Variants in ZNF254 observed in about 807,000 individuals in gnomAD.
ZNF254 encodes the protein CTD-2017D11.1.
In ZNF254, 10 loss-of-function variants were observed where a neutral mutation model predicts 12.4. The ratio of observed to expected loss-of-function variants is 0.80; its 90% CI spans 0.50 to 1.36. The LOEUF is 1.36. Ranked by LOEUF, ZNF254 falls within the 40% of genes most tolerant of loss-of-function variation. The pLI, the probability that ZNF254 is intolerant of heterozygous loss-of-function variation, is 0.00. For synonymous variants in ZNF254, 305 were observed against 253.4 expected, an observed-to-expected ratio of 1.20 and a Z score of -1.93; for missense variants, 996 against 763.9, an observed-to-expected ratio of 1.30 and a Z score of -3.58.
chr19:24,061,874 G>A (rs1362612717), intron 2 of ZNF254, among the ~76,000 whole-genome samples: 2 of 152,012 alleles, frequency 1.3e-5, no homozygotes, highest in African/African-American at 2.4e-5. Context: ...ACCTGATGTC[G>A]GGAGTTCAAG....
chr19:24,036,065 T>C (rs1208078611), intron 1 of ZNF254, among the ~76,000 whole-genome samples: 10 of 152,006 alleles, frequency 6.6e-5, no homozygotes, highest in Admixed American at 6.6e-4. Context: ...TTGTTTTGTT[T>C]TGTTTTGTTT....
chr19:24,047,322 A>G (rs1414987375), intron 2 of ZNF254, among the ~76,000 whole-genome samples: 1 of 143,658 alleles, frequency 7.0e-6, no homozygotes, highest in Non-Finnish European at 1.5e-5. Flanking sequence ...TTCCTTGTAG[A>G]ACTTGGTTTA....
chr19:24,090,896 G>A (rs1197743714), intron 1 of ZNF254, among the ~76,000 whole-genome samples: 1 of 149,570 alleles, frequency 6.7e-6, no homozygotes, highest in Non-Finnish European at 1.5e-5. Flanking sequence ...CTTTCTCAGA[G>A]TGAGTTTAGG....
Position 24,053,644 on chromosome 19 carries a change from C to T in ZNF254, c.-94+7365C>T, listed in dbSNP as rs149886435. ...TATATTGCTGGGTCAGAACCTAGGT[C>T]GTGTGACTCTCCTGTGCTGCCTGGT... On this transcript the variant is annotated intron_variant, in intron 2 of 4. Transcript: ENST00000613065. Among the ~76,000 whole-genome samples the T allele has an allele frequency of 2.0e-3, 308 of 152,256 alleles. 1 individual carries two copies. Among genetic ancestry groups the T allele is most frequent in the African/African-American group, 7.2e-3 (298 of 41,538 alleles).
intron 1 of ZNF254, among the ~76,000 whole-genome samples, chr19:24,037,653 A>G (rs1433906365): frequency 6.6e-6 from 1 of 152,074 alleles, no homozygotes; most frequent in Non-Finnish European, 1.5e-5. Flanking sequence ...CTTGTCCCCC[A>G]GGCTGAAGTG....
rs1975057586 is a variant in ZNF254 at position 24,128,697 on chromosome 19, A to G, written c.*717A>G. On this transcript the variant is annotated 3_prime_UTR_variant, in exon 4 of 4. Coordinates refer to ENST00000357002, the MANE Select transcript of ZNF254 (RefSeq NM_203282.4). ...ATACATTAAATATGAAAGATATTCAATCCAAAATTAAGTCTATGTAAATAT... is the reference window on the plus strand; with the variant it reads ...ATACATTAAATATGAAAGATATTCAGTCCAAAATTAAGTCTATGTAAATAT... The G allele has an allele frequency of 6.6e-6, 1 of 152,130 alleles. No individual in the cohort carries two copies. Among genetic ancestry groups the G allele is most frequent in the African/African-American group, 2.4e-5 (1 of 41,468 alleles). 9.4% of individuals were successfully genotyped at this position (152,130 alleles called of 1,614,324 possible).
At chr19:24,041,754 A>G in intron 1 of ZNF254, among the ~76,000 whole-genome samples, 1 of 152,272 alleles carries the variant, frequency 6.6e-6, no homozygotes, top group East Asian at 1.9e-4. Context: ...TGCGGGATCC[A>G]CTAGGTGAAG....
intron 2 of ZNF254, among the ~76,000 whole-genome samples, chr19:24,048,310 C>T (rs545694540): frequency 2.2e-4 from 33 of 152,192 alleles, no homozygotes; most frequent in Non-Finnish European, 2.8e-4. Flanking sequence ...AAGTTTCCAA[C>T]GGGGACAGCT....
At position 24,049,194 on chromosome 19, in the gene ZNF254, ATATATATATATATATATATAT is replaced by A. The variant is rs1241041023; in HGVS notation, c.-94+2917_-94+2937del. On this transcript the variant is annotated intron_variant, in intron 2 of 4. Coordinates refer to the ZNF254 transcript ENST00000613065. ...TTTCAGGCTCTGGTTTTATATATAT[ATATATATATATATATATATAT>A]TTTTTTTTTTTTTTTAATTTATTTA... Among the ~76,000 whole-genome samples the A allele has an allele frequency of 2.4e-3, 161 of 65,812 alleles. 6 individuals carry two copies. The highest frequency in any genetic ancestry group is 0.012 in the African/African-American group (150 of 12,800). The allele number at this position is 65,812 out of a possible 152,430, so 43.2% of individuals were successfully genotyped here. A position where few individuals can be genotyped will look rare whatever the true frequency, so the allele number is the denominator to read the frequency against.
intron 2 of ZNF254, chr19:24,066,836 G>C (rs1971291477): frequency 6.6e-6 from 1 of 152,130 alleles, no homozygotes; most frequent in South Asian, 2.1e-4. Context: ...GGAGGTGGAG[G>C]TTGCAGTGAG....
At chr19:24,107,356 G>A (rs1048474990) in intron 3 of ZNF254, 1 of 423,324 alleles carries the variant, frequency 2.4e-6, no homozygotes, top group Admixed American at 4.4e-5. Flanking sequence ...AAATTTATTA[G>A]TGTCCTCTCT....
intron 2 of ZNF254, among the ~76,000 whole-genome samples, chr19:24,072,529 A>G (rs1433326395): frequency 6.6e-6 from 1 of 152,162 alleles, no homozygotes; most frequent in East Asian, 1.9e-4. Flanking sequence ...TTTCTGGGTC[A>G]AACCAAATGG....
chr19:24,061,070 G>A (rs1449754419), intron 2 of ZNF254, among the ~76,000 whole-genome samples: 2 of 152,046 alleles, frequency 1.3e-5, no homozygotes, highest in Non-Finnish European at 2.9e-5. Flanking sequence ...GTATTGTGAT[G>A]TATCACTGGG....
At chr19:24,116,614 T>TTTCAAAG (rs1229919020) in intron 3 of ZNF254, among the ~76,000 whole-genome samples, 1 of 148,968 alleles carries the variant, frequency 6.7e-6, no homozygotes, top group Non-Finnish European at 1.5e-5. Context: ...TTTTTCAAAG[T>TTTCAAAG]TTTTAACTTC....
intron 1 of ZNF254, among the ~76,000 whole-genome samples, chr19:24,090,882 T>G (rs571930383): frequency 6.6e-6 from 1 of 152,064 alleles, no homozygotes; most frequent in Non-Finnish European, 1.5e-5. Context: ...TCATTTACCT[T>G]TTTCTTTCTC....
chr19:24,105,677 T>TA (rs1450119188), intron 1 of ZNF254: 2 of 328,126 alleles, frequency 6.1e-6, no homozygotes, highest in African/African-American at 4.5e-5. Flanking sequence ...AAATGTATGT[T>TA]AGTGTTTATG....
intron 1 of ZNF254, chr19:24,033,767 C>T (rs1969853303): frequency 1.4e-5 from 3 of 208,342 alleles, no homozygotes; most frequent in South Asian, 1.0e-4. Context: ...AAGATGGCGG[C>T]TGGGCCCGCA....
In ZNF254 at chr19:24,112,321, G is replaced by T. The variant is rs1213062668; in HGVS notation, c.253+5678G>T. ...TCCATTGATCTATATCTCTGTTTTC[G>T]TACCAGTACCATGCTGTTTTGGTTA... On this transcript the variant is annotated intron_variant, in intron 3 of 3. Coordinates refer to ENST00000357002, the MANE Select transcript of ZNF254 (RefSeq NM_203282.4). Among the ~76,000 whole-genome samples, 17 of 136,736 alleles carry T rather than the reference G, an allele frequency of 1.2e-4. No individual in the cohort carries two copies. The South Asian group carries it at 2.6e-3, about 21-fold the overall frequency. The allele number at this position is 136,736 out of a possible 152,430, so 89.7% of individuals were successfully genotyped here. A position where few individuals can be genotyped will look rare whatever the true frequency, so the allele number is the denominator to read the frequency against.
Position 24,127,904 on chromosome 19 carries a change from T to G in ZNF254, c.1904T>G (p.Phe635Cys), listed in dbSNP as rs1975013663. The change falls in exon 4 of 4, where the codon TTT becomes TGT. Residue 635 changes from phenylalanine to cysteine, a missense_variant. Physicochemically the swap from Phe to Cys is radical, Grantham distance 205 (BLOSUM62 -2). Transcript: ENST00000357002. Reference sequence around the variant, plus strand: ...GAGCAACCCTACAAATGGGAAAAATTTGGCAAAGCCTTTAATCGGTCCTCG... The same window carrying G: ...GAGCAACCCTACAAATGGGAAAAATGTGGCAAAGCCTTTAATCGGTCCTCG... ...TGEQPYKWEKFGKAFNRSSHL... is the reference protein window; with the variant it reads ...TGEQPYKWEKCGKAFNRSSHL... 1 of 1,611,782 alleles carries G rather than the reference T, an allele frequency of 6.2e-7. No homozygotes were observed.
Sources: allele counts gnomAD v4.1 joint callset (sites outside exome capture counted in the v4.1 genomes callset), GRCh38; gene constraint gnomAD v4.1.1; transcripts MANE v1.5; gene names NCBI Gene and HGNC (gene_info 2026-07-23, HGNC 2026-07-21).